The following EDAR variants were observed in gnomAD, a reference collection of about 807,000 sequenced individuals.
EDAR encodes the protein tumor necrosis factor receptor superfamily member EDAR.
EDAR carries 38 observed loss-of-function variants against 51.3 expected under a neutral mutation model. The observed-to-expected ratio is 0.74, with a 90% CI of 0.57 to 0.97. The LOEUF is 0.97. EDAR is among the 50% of genes least tolerant of loss of function. The pLI, the probability that EDAR is intolerant of heterozygous loss-of-function variation, is 0.00. For missense variants in EDAR, 528 were observed against 595.0 expected, an observed-to-expected ratio of 0.89 and a Z score of 1.17; for synonymous variants, 227 against 242.1, an observed-to-expected ratio of 0.94 and a Z score of 0.58.
At chr2:108,974,111 C>T (rs1367232927) in intron 1 of EDAR, among the ~76,000 whole-genome samples, 3 of 151,698 alleles carry the variant, frequency 2.0e-5, no homozygotes, top group Admixed American at 6.6e-5. Context: ...GGGTGGATCA[C>T]GAGGTCAGGA....
In EDAR at chr2:108,894,721, A is replaced by G. The variant is rs1696547423; in HGVS notation, c.*2186T>C. 3 of 152,144 alleles carry G rather than the reference A, an allele frequency of 2.0e-5. No individual in the cohort carries two copies. The highest frequency in any genetic ancestry group is 4.4e-5 in the Non-Finnish European group (3 of 68,016). 9.4% of individuals were successfully genotyped at this position (152,144 alleles called of 1,614,324 possible). ...GTTCTGAATCCCATAACATAGGCTAAAGCTTGTCAGAGTAAATCCCATGTT... is the reference window on the plus strand; with the variant it reads ...GTTCTGAATCCCATAACATAGGCTAGAGCTTGTCAGAGTAAATCCCATGTT... On this transcript the variant is annotated 3_prime_UTR_variant, in exon 12 of 12. Coordinates refer to ENST00000258443, the MANE Select transcript of EDAR (RefSeq NM_022336.4).
intron 1 of EDAR, among the ~76,000 whole-genome samples, chr2:108,982,725 T>C (rs766159597): frequency 3.3e-5 from 5 of 152,208 alleles, no homozygotes; most frequent in Non-Finnish European, 7.3e-5. Context: ...AAGTTTGGTC[T>C]CCTGGTTTTT....
chr2:108,918,109 G>A (rs533524310), intron 5 of EDAR, among the ~76,000 whole-genome samples: 1 of 152,300 alleles, frequency 6.6e-6, no homozygotes, highest in African/African-American at 2.4e-5. Flanking sequence ...AAAAGAGAGC[G>A]GTCTGGGCTG....
At chr2:108,912,017 G>A (rs1292990359) in intron 6 of EDAR, among the ~76,000 whole-genome samples, 1 of 152,178 alleles carries the variant, frequency 6.6e-6, no homozygotes, top group Non-Finnish European at 1.5e-5. Context: ...ATATATCCTC[G>A]CCCAGCAGTC....
intron 5 of EDAR, among the ~76,000 whole-genome samples, chr2:108,922,568 C>T (rs1478478554): frequency 6.6e-6 from 1 of 152,140 alleles, no homozygotes; most frequent in African/African-American, 2.4e-5. Context: ...CGCAGGCTCT[C>T]CTTCTTCTCC....
intron 9 of EDAR, among the ~76,000 whole-genome samples, chr2:108,909,121 T>C (rs1395867136): frequency 6.6e-6 from 1 of 152,224 alleles, no homozygotes; most frequent in Admixed American, 6.5e-5. Context: ...AATATTCGTG[T>C]ATGAAAGCAG....
rs192305458 is a variant in EDAR at position 108,937,935 on chromosome 2, C to G, written c.-18-6903G>C. On this transcript the variant is annotated intron_variant, in intron 1 of 11. Transcript: ENST00000258443. Reference sequence around the variant, plus strand: ...AGTTGAAAGTTTAAAATCCAAGTTCCCAAGTTTCCTTTGTTAATTTGAATT... The same window carrying G: ...AGTTGAAAGTTTAAAATCCAAGTTCGCAAGTTTCCTTTGTTAATTTGAATT... 3.3e-5 allele frequency among the ~76,000 whole-genome samples: 5 copies of G among 152,286 alleles called. No homozygotes were observed. In the East Asian group the frequency reaches 9.6e-4, roughly 29 times the overall value.
rs1472858381 is a variant in EDAR, at chr2:108,897,147, A to G, written c.1107T>C (p.Ala369=). ...CGAGGTGGCGCCACGTTTTCACAAC[A>G]GCCTTCTCAGAGTTGTACGTGGAGC... ...MLSSTYNSEK[A]VVKTWRHLAE... The change falls in exon 12 of 12, where the codon GCT becomes GCC. Residue 369 remains alanine (A), a synonymous_variant. Coordinates refer to ENST00000258443, the MANE Select transcript of EDAR (RefSeq NM_022336.4). The G allele has an allele frequency of 6.2e-7, 1 of 1,613,928 alleles. No individual in the cohort carries two copies. The highest frequency in any genetic ancestry group is 2.2e-5 in the East Asian group (1 of 44,870).
chr2:108,968,255 CT>C (rs2104429970), intron 1 of EDAR, among the ~76,000 whole-genome samples: 1 of 152,294 alleles, frequency 6.6e-6, no homozygotes, highest in Non-Finnish European at 1.5e-5. Flanking sequence ...CTGGAGCCCC[CT>C]AGATCTACTA....
intron 4 of EDAR, among the ~76,000 whole-genome samples, chr2:108,925,865 C>A (rs1697243311): frequency 6.6e-6 from 1 of 152,158 alleles, no homozygotes; most frequent in African/African-American, 2.4e-5. Context: ...ATCCACCTGC[C>A]TTGGCATCCC....
intron 1 of EDAR, among the ~76,000 whole-genome samples, chr2:108,941,206 G>T (rs1482612271): frequency 6.6e-6 from 1 of 152,250 alleles, no homozygotes; most frequent in Non-Finnish European, 1.5e-5. Context: ...CACTGCATTC[G>T]TAAACCACAA....
At chr2:108,912,054 G>T (rs1461671124) in intron 6 of EDAR, among the ~76,000 whole-genome samples, 2 of 152,210 alleles carry the variant, frequency 1.3e-5, no homozygotes, top group East Asian at 3.9e-4. Context: ...GTTAGCGCGT[G>T]GGAGGCCCAG....
At chr2:108,935,600 T>C (rs1376284458) in intron 1 of EDAR, among the ~76,000 whole-genome samples, 1 of 152,202 alleles carries the variant, frequency 6.6e-6, no homozygotes, top group African/African-American at 2.4e-5. Flanking sequence ...CCTCTTTAAG[T>C]TCTGGCCTTC....
intron 1 of EDAR, among the ~76,000 whole-genome samples, chr2:108,948,855 T>C (rs908548530): frequency 4.6e-5 from 7 of 152,114 alleles, no homozygotes; most frequent in African/African-American, 1.7e-4. Flanking sequence ...TGGTGGCTCA[T>C]GCGTATAATC....
At chr2:108,925,915 C>A (rs559291446) in intron 4 of EDAR, among the ~76,000 whole-genome samples, 42 of 152,246 alleles carry the variant, frequency 2.8e-4, no homozygotes, top group Non-Finnish European at 5.0e-4. Context: ...CGAGCCTGAC[C>A]GGTGATAAAC....
chr2:108,908,513 C>T (rs1696855499), intron 9 of EDAR, among the ~76,000 whole-genome samples: 1 of 152,148 alleles, frequency 6.6e-6, no homozygotes, highest in Non-Finnish European at 1.5e-5. Flanking sequence ...GCCTGGAAAG[C>T]CCCCTCTTGA....
rs776831847 is a variant in EDAR at position 108,912,751 on chromosome 2, A to C, written c.456T>G (p.Thr152=). ...PPNTKECVGA[T]SGASANFPGT... is the part of the protein sequence containing the mutation. ...CAGGGAAGTTGGCAGAAGCTCCTGA[A>C]GTGGCTCCCACACCTGCAAGGAAAA... The change falls in exon 6 of 12, where the codon ACT becomes ACG. Residue 152 remains threonine (T), a synonymous_variant. Transcript: ENST00000258443. The C allele has an allele frequency of 4.4e-6, 7 of 1,597,226 alleles. No individual in the cohort carries two copies. The highest frequency in any genetic ancestry group is 6.0e-6 in the Non-Finnish European group (7 of 1,172,230).
At chr2:108,923,314 A>G in intron 5 of EDAR, 54 bp downstream of exon 5, 1 of 1,556,812 alleles carries the variant, frequency 6.4e-7, no homozygotes, top group East Asian at 2.2e-5. Context: ...CTCTGTAGTG[A>G]AAGGGATCCG....
intron 1 of EDAR, among the ~76,000 whole-genome samples, chr2:108,957,488 C>A (rs1697948267): frequency 6.6e-6 from 1 of 152,292 alleles, no homozygotes; most frequent in South Asian, 2.1e-4. Flanking sequence ...TCATGGAGGC[C>A]CCCCAGGGGG....
Sources: gnomAD v4.1 joint callset for allele counts (sites outside exome capture counted in the v4.1 genomes callset) on GRCh38, gnomAD v4.1.1 for gene constraint, MANE v1.5 for transcripts, NCBI Gene and HGNC (gene_info 2026-07-23, HGNC 2026-07-21) for gene names.